The following ASAP2 variants were observed in gnomAD, a reference collection of about 807,000 sequenced individuals.
ASAP2 encodes the protein ArfGAP with SH3 domain, ankyrin repeat and PH domain 2.
ASAP2 carries 45 observed loss-of-function variants against 131.4 expected under a neutral mutation model. The observed-to-expected ratio is 0.34, with a 90% CI of 0.27 to 0.44. ASAP2 has a LOEUF of 0.44. Ranked by LOEUF, ASAP2 falls within the 20% of genes least tolerant of loss-of-function variation. The pLI is 1.00. For missense variants in ASAP2, 1,011 were observed against 1,297.0 expected (o/e 0.78, Z 3.39); for synonymous variants, 510 against 503.0 (o/e 1.01, Z -0.19).
chr2:9,372,859 C>T (rs1321635924), intron 16 of ASAP2, among the ~76,000 whole-genome samples: 8 of 152,148 alleles, frequency 5.3e-5, no homozygotes, highest in African/African-American at 1.4e-4. Context: ...GTTAGCCGAA[C>T]GTGCACAGCT....
intron 2 of ASAP2, among the ~76,000 whole-genome samples, chr2:9,288,570 T>C (rs147087780): frequency 1.3e-3 from 198 of 152,284 alleles, no homozygotes; most frequent in African/African-American, 3.9e-3. Flanking sequence ...CTGCTTACCC[T>C]GGCAAAATGC....
At chr2:9,388,650 T>C in intron 22 of ASAP2, 104 bp downstream of exon 22, 1 of 1,462,330 alleles carries the variant, frequency 6.8e-7, no homozygotes, top group Non-Finnish European at 9.1e-7. Context: ...TTTGGGCTCT[T>C]TTGTTTTGTA....
Position 9,218,720 on chromosome 2 carries a change from G to A in ASAP2, c.126+11490G>A, listed in dbSNP as rs559403955. Among the ~76,000 whole-genome samples, 131 of 152,348 alleles carry A rather than the reference G, an allele frequency of 8.6e-4. No individual in the cohort carries two copies. In the Middle Eastern group the frequency reaches 0.01, roughly 12 times the overall value. Reference sequence around the variant, plus strand: ...TGGAGGGTTGGATGCGATGAGTCCAGTCTTTCCAGCTCTTGACCTTCCATG... The same window carrying A: ...TGGAGGGTTGGATGCGATGAGTCCAATCTTTCCAGCTCTTGACCTTCCATG... On this transcript the variant is annotated intron_variant, in intron 1 of 27. Transcript: ENST00000281419.
At position 9,344,544 on chromosome 2, in the gene ASAP2, C is replaced by T. The variant is rs1671825043; in HGVS notation, c.862C>T (p.Arg288Cys). The change falls in exon 10 of 28, where the codon CGT (arginine) becomes TGT (cysteine). Residue 288 changes from arginine (R) to cysteine (C), a missense_variant. Transcript: ENST00000281419. Reference sequence around the variant, plus strand: ...CACCATTTTTTAGGACTCCCAAATTCGTCAGAGCACAGCTTATAGCTTACA... The same window carrying T: ...CACCATTTTTTAGGACTCCCAAATTTGTCAGAGCACAGCTTATAGCTTACA... ...QVEQKEDSQI[R>C]QSTAYSLHQP... The T allele has an allele frequency of 3.1e-6, 5 of 1,613,790 alleles. No homozygotes were observed. The highest frequency in any genetic ancestry group is 4.2e-6 in the Non-Finnish European group (5 of 1,179,838).
intron 20 of ASAP2, 151 bp downstream of exon 20, chr2:9,380,959 A>G: frequency 1.1e-6 from 1 of 888,828 alleles, no homozygotes; most frequent in Admixed American, 2.7e-5. Flanking sequence ...CCTGCCTTGG[A>G]GAAGGTATGC....
chr2:9,238,733 G>A (rs761949475), intron 1 of ASAP2, among the ~76,000 whole-genome samples: 1 of 152,078 alleles, frequency 6.6e-6, no homozygotes, highest in Non-Finnish European at 1.5e-5. Flanking sequence ...TACCCTAAGA[G>A]TACACTTTGA....
intron 12 of ASAP2, among the ~76,000 whole-genome samples, chr2:9,355,107 A>G (rs1229838409): frequency 6.6e-6 from 1 of 152,220 alleles, no homozygotes; most frequent in Non-Finnish European, 1.5e-5. Flanking sequence ...CATGTTATCC[A>G]ATCATATTTA....
intron 2 of ASAP2, among the ~76,000 whole-genome samples, chr2:9,296,346 G>C (rs943316952): frequency 2.0e-5 from 3 of 152,120 alleles, no homozygotes; most frequent in Non-Finnish European, 4.4e-5. Context: ...TCCTACCCAC[G>C]GTTTAAATCA....
chr2:9,317,935 A>T (rs114560213), intron 3 of ASAP2, among the ~76,000 whole-genome samples: 1,935 of 152,226 alleles, frequency 0.013, 39 homozygotes, highest in African/African-American at 0.045. Context: ...TCACACCTTT[A>T]CACACCCACA....
intron 20 of ASAP2, among the ~76,000 whole-genome samples, chr2:9,382,939 A>G (rs1674980332): frequency 6.6e-6 from 1 of 152,158 alleles, no homozygotes; most frequent in Non-Finnish European, 1.5e-5. Context: ...CGGTGGGAGG[A>G]CAGGAATTAT....
chr2:9,241,246 A>G (rs1037896969), intron 1 of ASAP2, among the ~76,000 whole-genome samples: 1 of 152,220 alleles, frequency 6.6e-6, no homozygotes, highest in Non-Finnish European at 1.5e-5. Context: ...GTGCTGGAAG[A>G]TATTTTGTCA....
intron 15 of ASAP2, among the ~76,000 whole-genome samples, chr2:9,367,172 A>C (rs1303969287): frequency 6.6e-6 from 1 of 151,822 alleles, no homozygotes; most frequent in African/African-American, 2.4e-5. Context: ...CTGGGACTAC[A>C]GGTGCACGCC....
chr2:9,395,843 G>A (rs531894923), intron 24 of ASAP2, among the ~76,000 whole-genome samples: 2 of 151,948 alleles, frequency 1.3e-5, no homozygotes, highest in East Asian at 1.9e-4. Context: ...TCCTGACCTC[G>A]TGATCTGCCC....
chr2:9,368,381 G>T (rs749810682), intron 15 of ASAP2, 44 bp from the exon 16 acceptor site: 1 of 1,510,310 alleles, frequency 6.6e-7, no homozygotes, highest in Non-Finnish European at 9.2e-7. Context: ...GCAGTAGAAT[G>T]TATTAATAAT....
intron 1 of ASAP2, among the ~76,000 whole-genome samples, chr2:9,234,363 C>T (rs1663388625): frequency 6.6e-6 from 1 of 152,132 alleles, no homozygotes; most frequent in Admixed American, 6.5e-5. Flanking sequence ...CCGGGGAGAA[C>T]ATTTAGCCAG....
intron 2 of ASAP2, among the ~76,000 whole-genome samples, chr2:9,288,086 A>G (rs983210579): frequency 6.6e-6 from 1 of 152,164 alleles, no homozygotes; most frequent in East Asian, 1.9e-4. Context: ...CATCAGTAAA[A>G]ATAAGAAGGC....
intron 24 of ASAP2, among the ~76,000 whole-genome samples, chr2:9,397,826 T>C (rs1361916546): frequency 7.2e-6 from 1 of 139,826 alleles, no homozygotes; most frequent in Non-Finnish European, 1.5e-5. Context: ...TGGCTCGATC[T>C]CTGCTCATTG....
At chr2:9,401,504 A>T in intron 27 of ASAP2, 108 bp downstream of exon 27, 1 of 1,415,316 alleles carries the variant, frequency 7.1e-7, no homozygotes, top group South Asian at 1.4e-5. Flanking sequence ...TGAGCAGTCC[A>T]GATGTAGTTC....
rs1227357377 is a variant in ASAP2, at chr2:9,206,817, C to T, written c.-288C>T. The T allele has an allele frequency of 1.4e-5, 2 of 147,490 alleles. No homozygotes were observed. Among genetic ancestry groups the T allele is most frequent in the Admixed American group, 6.8e-5 (1 of 14,776 alleles). 9.1% of individuals were successfully genotyped at this position (147,490 alleles called of 1,614,324 possible). The stretch of plus-strand genomic sequence containing the variant: ...CCCGCGGCTGGGTGGCGGGTAGTTC[C>T]CGCCGGCTGTGCGCGCCCGCCTCGG... On this transcript the variant is annotated 5_prime_UTR_variant, in exon 1 of 28. Coordinates refer to ENST00000281419, the MANE Select transcript of ASAP2 (RefSeq NM_003887.3). The surrounding 1 kb of genome is among the most constrained non-coding windows in gnomAD (Gnocchi z 4.0).
Sources: allele counts gnomAD v4.1 joint callset (sites outside exome capture counted in the v4.1 genomes callset), GRCh38; gene constraint gnomAD v4.1.1; non-coding constraint Gnocchi (gnomAD v3.1); transcripts MANE v1.5; gene names NCBI Gene and HGNC (gene_info 2026-07-23, HGNC 2026-07-21).